The following TENT5D variants were observed in gnomAD, a reference collection of about 807,000 sequenced individuals.
TENT5D encodes the protein terminal nucleotidyltransferase 5D.
For missense variants in TENT5D, 191 were observed against 287.0 expected, an observed-to-expected ratio of 0.67 and a Z score of 2.42; for synonymous variants, 103 against 100.6, an observed-to-expected ratio of 1.02 and a Z score of -0.15.
intron 3 of TENT5D, among the ~76,000 whole-genome samples, chrX:80,396,896 C>G (rs1303260179): frequency 3.9e-5 from 3 of 77,198 alleles, no homozygotes; most frequent in Admixed American, 2.8e-4. Flanking sequence ...GCTGGCCGGG[C>G]GGGGGGCTGA....
At chrX:80,407,469 G>C (rs1178743302) in intron 3 of TENT5D, among the ~76,000 whole-genome samples, 3 of 108,723 alleles carry the variant, frequency 2.8e-5, no homozygotes, top group African/African-American at 6.7e-5. Context: ...TGATAAAACA[G>C]ACTTTAAACC....
chrX:80,426,030 AAATAAT>A (rs1360363125), intron 1 of TENT5D, among the ~76,000 whole-genome samples: 1 of 110,055 alleles, frequency 9.1e-6, no homozygotes. Context: ...CCATCTCAAA[AAATAAT>A]AATAATAATA....
chrX:80,437,080 A>C (rs1932197765), intron 1 of TENT5D, among the ~76,000 whole-genome samples: 1 of 112,477 alleles, frequency 8.9e-6, no homozygotes, highest in African/African-American at 3.2e-5. Flanking sequence ...TTATTGCTAC[A>C]TAGCTATTTT....
chrX:80,379,109 C>G (rs1305628621), intron 3 of TENT5D, among the ~76,000 whole-genome samples: 1 of 101,721 alleles, frequency 9.8e-6, no homozygotes, highest in Non-Finnish European at 2.0e-5. Context: ...GCCTTTTCTG[C>G]ATTCTCTTGC....
intron 3 of TENT5D, among the ~76,000 whole-genome samples, chrX:80,352,669 G>A (rs1239474366): frequency 3.1e-5 from 3 of 97,460 alleles, no homozygotes; most frequent in Admixed American, 1.3e-4. Flanking sequence ...GGGAATGAAT[G>A]CTTCTGTCTC....
At chrX:80,347,407 A>T (rs2147514482) in intron 3 of TENT5D, among the ~76,000 whole-genome samples, 1 of 111,863 alleles carries the variant, frequency 8.9e-6, no homozygotes, top group African/African-American at 3.2e-5. Flanking sequence ...TGTGGTTTTG[A>T]TTTGTATTTC....
At chrX:80,350,129 T>G (rs1314640049) in intron 3 of TENT5D, among the ~76,000 whole-genome samples, 2 of 111,654 alleles carry the variant, frequency 1.8e-5, no homozygotes, top group Admixed American at 9.6e-5. Context: ...TTCTGTTGAT[T>G]TGGGGTGGAG....
At chrX:80,398,972 A>T (rs1398932474) in intron 3 of TENT5D, among the ~76,000 whole-genome samples, 2 of 112,121 alleles carry the variant, frequency 1.8e-5, no homozygotes, top group Admixed American at 9.4e-5. Flanking sequence ...GATTGTTTTC[A>T]TTCTATAGTG....
chrX:80,391,650 T>C (rs1286902211), intron 3 of TENT5D, among the ~76,000 whole-genome samples: 1 of 112,349 alleles, frequency 8.9e-6, no homozygotes, highest in Admixed American at 9.4e-5. Flanking sequence ...AAGTGAACCC[T>C]GAGAAGTATA....
In TENT5D at chrX:80,394,686, G is replaced by A. The variant is rs890020218; in HGVS notation, c.-141-43924G>A. ...TGGGATTACAGGCGTGAGCCACCAT[G>A]CCCAGCCTGCTTATTTATTTTTTAT... is the stretch of plus-strand genomic sequence containing the variant. On this transcript the variant is annotated intron_variant, in intron 3 of 4. Transcript: ENST00000538312. 2.7e-5 allele frequency among the ~76,000 whole-genome samples: 3 copies of A among 110,861 alleles called. No homozygotes were observed. In the South Asian group the frequency reaches 1.1e-3, roughly 42 times the overall value.
chrX:80,412,504 C>T (rs1364479615), intron 3 of TENT5D, among the ~76,000 whole-genome samples: 1 of 112,381 alleles, frequency 8.9e-6, no homozygotes, highest in Non-Finnish European at 1.9e-5. Context: ...CTCTGTTTTC[C>T]TTTTAAAATG....
chrX:80,414,539 G>T (rs908155425), intron 3 of TENT5D, among the ~76,000 whole-genome samples: 6 of 112,106 alleles, frequency 5.4e-5, no homozygotes, highest in Non-Finnish European at 9.4e-5. Context: ...ACATTTTAGG[G>T]AGACATAAGA....
chrX:80,427,020 G>A (rs950640037), intron 1 of TENT5D, among the ~76,000 whole-genome samples: 6 of 111,626 alleles, frequency 5.4e-5, no homozygotes, highest in African/African-American at 2.0e-4. Flanking sequence ...CTGCCACCAT[G>A]TAAGAAGTGC....
intron 3 of TENT5D, among the ~76,000 whole-genome samples, chrX:80,394,175 G>A (rs748955917): frequency 9.0e-6 from 1 of 110,899 alleles, no homozygotes; most frequent in African/African-American, 3.3e-5. Context: ...TCCCACCAAC[G>A]GTGTACAAGG....
upstream of TENT5D, among the ~76,000 whole-genome samples, chrX:80,417,783 G>A (rs966931216): frequency 9.0e-6 from 1 of 110,972 alleles, no homozygotes; most frequent in Non-Finnish European, 1.9e-5. Context: ...ATGACTTTGT[G>A]TCTTGGGTAA....
intron 3 of TENT5D, among the ~76,000 whole-genome samples, chrX:80,385,449 G>A (rs1231615272): frequency 8.9e-6 from 1 of 111,827 alleles, no homozygotes; most frequent in Non-Finnish European, 1.9e-5. Flanking sequence ...TTAAATGTTA[G>A]ACCTAAAACC....
At chrX:80,435,232 C>T in intron 1 of TENT5D, among the ~76,000 whole-genome samples, 1 of 111,828 alleles carries the variant, frequency 8.9e-6, no homozygotes, top group Non-Finnish European at 1.9e-5. Flanking sequence ...ATCATAATTA[C>T]ACAATAATAA....
rs1022080064 is a variant in TENT5D, at chrX:80,351,355, T to C, written c.-142+8791T>C. Among the ~76,000 whole-genome samples the C allele has an allele frequency of 1.5e-4, 16 of 108,847 alleles. No homozygotes were observed. In the Admixed American group the frequency reaches 1.5e-3, roughly 10 times the overall value. 94.5% of individuals were successfully genotyped at this position (108,847 alleles called of 115,157 possible). ...CTTTGTTCATTCCGTTTCAATGTTTTTTTTTTCTCAAATCTTGTCTTCACT... is the reference window on the plus strand; with the variant it reads ...CTTTGTTCATTCCGTTTCAATGTTTCTTTTTTCTCAAATCTTGTCTTCACT... On this transcript the variant is annotated intron_variant, in intron 3 of 4. Transcript: ENST00000538312.
At chrX:80,373,607 G>T (rs1930670170) in intron 3 of TENT5D, among the ~76,000 whole-genome samples, 1 of 111,013 alleles carries the variant, frequency 9.0e-6, no homozygotes, top group Non-Finnish European at 1.9e-5. Flanking sequence ...GCACAGGAAG[G>T]TTAAATAATT....
Sources: allele counts gnomAD v4.1 joint callset (sites outside exome capture counted in the v4.1 genomes callset), GRCh38; gene constraint gnomAD v4.1.1; transcripts MANE v1.5; gene names NCBI Gene and HGNC (gene_info 2026-07-23, HGNC 2026-07-21).